The following PRKCB variants were observed in gnomAD, a reference collection of about 807,000 sequenced individuals.
PRKCB encodes protein kinase C beta.
Under a neutral mutation model 81.5 loss-of-function variants are expected in PRKCB, and 13 were observed. That is an observed-to-expected ratio of 0.16 (90% CI 0.10 to 0.25). PRKCB has a LOEUF of 0.25. Among genes scored for constraint, PRKCB ranks in the 10% least tolerant of loss-of-function variants. PRKCB has a pLI of 1.00. For synonymous variants in PRKCB, 335 were observed against 321.4 expected (o/e 1.04, Z -0.45); for missense variants, 509 against 875.7 (o/e 0.58, Z 5.29).
At chr16:23,887,105 T>C (rs1193529595) in intron 2 of PRKCB, among the ~76,000 whole-genome samples, 1 of 151,994 alleles carries the variant, frequency 6.6e-6, no homozygotes, top group Non-Finnish European at 1.5e-5. Context: ...GCTTTCTTGC[T>C]TTCTTTCTTG....
At position 23,873,204 on chromosome 16, in the gene PRKCB, A is replaced by AAAGAT. The variant is rs1555480626; in HGVS notation, c.205+35800_205+35801insGATAA. On this transcript the variant is annotated intron_variant, in intron 2 of 16. Coordinates refer to ENST00000643927, the MANE Select transcript of PRKCB (RefSeq NM_002738.7). ...CACACACACACAAAAAAAAAAAAAA[A>AAAGAT]AAAAAGAAAAAAAAAGTTAGCTGAG... Among the ~76,000 whole-genome samples the AAAGAT allele has an allele frequency of 2.8e-3, 396 of 140,716 alleles. 3 individuals are homozygous for AAAGAT. The highest frequency in any genetic ancestry group is 5.1e-3 in the Non-Finnish European group (329 of 64,680). 92.3% of individuals were successfully genotyped at this position (140,716 alleles called of 152,430 possible). A position where few individuals can be genotyped will look rare whatever the true frequency, so the allele number is the denominator to read the frequency against.
At chr16:24,105,890 C>T (rs1372021432) in intron 7 of PRKCB, among the ~76,000 whole-genome samples, 1 of 152,048 alleles carries the variant, frequency 6.6e-6, no homozygotes, top group Non-Finnish European at 1.5e-5. Context: ...ATCTGAAGAT[C>T]TTTTTTCCAC....
At chr16:24,187,451 T>A (rs924212302) in intron 15 of PRKCB, among the ~76,000 whole-genome samples, 2 of 152,154 alleles carry the variant, frequency 1.3e-5, no homozygotes, top group Admixed American at 1.3e-4. Flanking sequence ...GTAAATCACT[T>A]AGAATAGAGG....
intron 12 of PRKCB, among the ~76,000 whole-genome samples, chr16:24,177,398 G>A (rs1158340003): frequency 6.6e-6 from 1 of 152,178 alleles, no homozygotes; most frequent in East Asian, 1.9e-4. Context: ...GGTCTTTAAA[G>A]GGGTATTTAT....
chr16:24,173,872 T>C (rs1288588423), intron 11 of PRKCB, among the ~76,000 whole-genome samples: 1 of 152,266 alleles, frequency 6.6e-6, no homozygotes, highest in African/African-American at 2.4e-5. Flanking sequence ...TAGTAGGACC[T>C]ACCTTACAGG....
intron 2 of PRKCB, among the ~76,000 whole-genome samples, chr16:23,863,014 C>G (rs938647316): frequency 1.3e-5 from 2 of 150,814 alleles, no homozygotes; most frequent in African/African-American, 4.9e-5. Context: ...GAAAATTAAT[C>G]CTTTATCACA....
chr16:24,142,746 C>T (rs1392567660), intron 9 of PRKCB, among the ~76,000 whole-genome samples: 1 of 152,150 alleles, frequency 6.6e-6, no homozygotes, highest in African/African-American at 2.4e-5. Context: ...GAGTTGAGCT[C>T]ATCTGACCTA....
At chr16:23,978,861 T>C (rs889442327) in intron 2 of PRKCB, among the ~76,000 whole-genome samples, 2 of 152,228 alleles carry the variant, frequency 1.3e-5, no homozygotes, top group African/African-American at 2.4e-5. Context: ...AAGATTTTTA[T>C]TGGCATTTTA....
intron 5 of PRKCB, among the ~76,000 whole-genome samples, chr16:24,048,130 C>T (rs1965791340): frequency 6.6e-6 from 1 of 152,246 alleles, no homozygotes; most frequent in South Asian, 2.1e-4. Context: ...CCACTACCAA[C>T]AAAACCAAGG....
At chr16:24,119,729 A>G (rs889346321) in intron 8 of PRKCB, among the ~76,000 whole-genome samples, 1 of 152,090 alleles carries the variant, frequency 6.6e-6, no homozygotes. Flanking sequence ...TTTTGTTTGC[A>G]GTTTCCATTG....
At chr16:23,999,378 T>C (rs1367328065) in intron 3 of PRKCB, among the ~76,000 whole-genome samples, 1 of 152,266 alleles carries the variant, frequency 6.6e-6, no homozygotes, top group Non-Finnish European at 1.5e-5. Context: ...TGGATATTAG[T>C]AGAGCTTTGT....
intron 2 of PRKCB, among the ~76,000 whole-genome samples, chr16:23,877,278 A>C (rs1421800686): frequency 6.6e-6 from 1 of 152,176 alleles, no homozygotes; most frequent in African/African-American, 2.4e-5. Flanking sequence ...TCAAGACTGC[A>C]GTGAGCTATG....
At chr16:24,170,577 G>A (rs1377687903) in intron 10 of PRKCB, among the ~76,000 whole-genome samples, 1 of 152,106 alleles carries the variant, frequency 6.6e-6, no homozygotes, top group Non-Finnish European at 1.5e-5. Context: ...CATTCATTTA[G>A]CAAACACCCT....
chr16:23,850,259 G>GT (rs1962450758), intron 2 of PRKCB, among the ~76,000 whole-genome samples: 1 of 151,836 alleles, frequency 6.6e-6, no homozygotes, highest in African/African-American at 2.4e-5. Flanking sequence ...CTTTGCTATT[G>GT]TAAGTAGTAC....
intron 2 of PRKCB, among the ~76,000 whole-genome samples, chr16:23,882,220 C>T (rs184118984): frequency 6.6e-6 from 1 of 151,494 alleles, no homozygotes. Context: ...ACTGGGACTT[C>T]AGGCACACAC....
intron 9 of PRKCB, among the ~76,000 whole-genome samples, chr16:24,125,059 T>G (rs563719700): frequency 1.4e-5 from 2 of 145,774 alleles, no homozygotes; most frequent in Non-Finnish European, 3.0e-5. Context: ...CCCAATCTTT[T>G]TTACCTATAA....
chr16:24,215,578 T>C lies in PRKCB; in HGVS notation c.*762T>C. The C allele has an allele frequency of 1.0e-6, 1 of 985,652 alleles. No homozygotes were observed. 61.1% of individuals were successfully genotyped at this position (985,652 alleles called of 1,614,324 possible). On this transcript the variant is annotated 3_prime_UTR_variant, in exon 17 of 17. Coordinates refer to ENST00000643927, the MANE Select transcript of PRKCB (RefSeq NM_002738.7). The stretch of plus-strand genomic sequence containing the variant: ...TAGCAAGGCCCCCAAAGGGCCCTGG[T>C]TTTACATTACATTTCAAACTTTATT...
intron 3 of PRKCB, among the ~76,000 whole-genome samples, chr16:24,029,532 T>C (rs1965524620): frequency 6.6e-6 from 1 of 152,206 alleles, no homozygotes; most frequent in African/African-American, 2.4e-5. Context: ...TGTTAGTCAA[T>C]TAAATCTCTT....
chr16:23,958,756 CT>C (rs1964385115), intron 2 of PRKCB, among the ~76,000 whole-genome samples: 1 of 148,144 alleles, frequency 6.8e-6, no homozygotes, highest in Non-Finnish European at 1.5e-5. Flanking sequence ...CTTCCACCCC[CT>C]CTTCTTATTC....
Sources: allele counts gnomAD v4.1 joint callset (sites outside exome capture counted in the v4.1 genomes callset), GRCh38; gene constraint gnomAD v4.1.1; transcripts MANE v1.5; gene names NCBI Gene and HGNC (gene_info 2026-07-23, HGNC 2026-07-21).